Variants in BCAN observed in about 807,000 individuals in gnomAD.
BCAN encodes brevican core protein.
BCAN carries 51 observed loss-of-function variants against 92.4 expected under a neutral mutation model. The observed-to-expected ratio is 0.55, with a 90% confidence interval of 0.44 to 0.70. The LOEUF (loss-of-function observed/expected upper bound fraction) is 0.70. Among genes scored for constraint, BCAN ranks in the 30% least tolerant of loss-of-function variants. The pLI is 0.00. For missense variants in BCAN, 1,140 were observed against 1,212.1 expected, an observed-to-expected ratio of 0.94 and a Z score of 0.88; for synonymous variants, 501 against 505.2, an observed-to-expected ratio of 0.99 and a Z score of 0.11.
intron 2 of BCAN, 108 bp from the exon 3 acceptor site, chr1:156,646,693 G>A (rs1255903175): frequency 1.4e-6 from 2 of 1,467,956 alleles, no homozygotes; most frequent in Non-Finnish European, 1.8e-6. Context: ...GGGGGGCCGG[G>A]GAATCCTGGG....
intron 8 of BCAN, among the ~76,000 whole-genome samples, chr1:156,655,638 G>A (rs1557991773): frequency 6.6e-6 from 1 of 152,144 alleles, no homozygotes; most frequent in African/African-American, 2.4e-5. Context: ...AAAGTGGGCT[G>A]GATCTCCACT....
intron 1 of BCAN, chr1:156,643,294 G>A (rs1678849116): frequency 6.6e-6 from 1 of 152,146 alleles, no homozygotes; most frequent in African/African-American, 2.4e-5. Flanking sequence ...CTGCTCGGCT[G>A]GTGTCATTGC....
Position 156,652,912 on chromosome 1 carries a change from A to G in BCAN, c.1942+20A>G, listed in dbSNP as rs912521719. The G allele has an allele frequency of 1.8e-5, 29 of 1,612,676 alleles. No individual in the cohort carries two copies. The highest frequency in any genetic ancestry group is 2.4e-5 in the Non-Finnish European group (28 of 1,179,726). The stretch of plus-strand genomic sequence containing the variant: ...CATCAGGTAATTCTGCCCAAGGCTC[A>G]ACTGCCCTCTCTATCCTACTCCTTT... On this transcript the variant is annotated intron_variant, in intron 8 of 13. Transcript: ENST00000329117.
Position 156,658,703 on chromosome 1 carries a change from C to T in BCAN, c.2598C>T (p.Ala866=), listed in dbSNP as rs1679426107. ...GCCAAGAGAACGGTCGTTGGGAGGC[C>T]CCCCAGATCTCCTGTGTGCCCAGAA... ...IRCQENGRWE[A]PQISCVPRRP... The change falls in exon 13 of 14, where the codon GCC becomes GCT. Residue 866 remains alanine (A), a synonymous_variant. Transcript: ENST00000329117. This position sits in a 1 kb window ranked among gnomAD's most constrained non-coding sequence, Gnocchi z 4.4. 3 of 1,614,070 alleles carry T rather than the reference C, an allele frequency of 1.9e-6. No individual in the cohort carries two copies. The highest frequency in any genetic ancestry group is 1.7e-5 in the Admixed American group (1 of 60,024).
Position 156,647,165 on chromosome 1 carries a change from C to G in BCAN, c.456C>G (p.Val152=). ...GIDDSSDAVE[V]KVKGVVFLYR... ...ATGACAGCAGCGACGCTGTGGAGGT[C>G]AAGGTCAAAGGTGAGAGGGCAGGGA... The change falls in exon 3 of 14, where the codon GTC becomes GTG. Residue 152 remains valine (V), a synonymous_variant. Transcript: ENST00000329117. This position sits in a 1 kb window ranked among gnomAD's most constrained non-coding sequence, Gnocchi z 4.8. The G allele has an allele frequency of 7.9e-7, 1 of 1,259,336 alleles. No homozygotes were observed. The highest frequency in any genetic ancestry group is 1.7e-5 in the African/African-American group (1 of 57,228). The allele number at this position is 1,259,336 out of a possible 1,614,324, so 78.0% of individuals were successfully genotyped here. A position where few individuals can be genotyped will look rare whatever the true frequency, so the allele number is the denominator to read the frequency against.
chr1:156,657,779 C>T, intron 11 of BCAN, 22 bp downstream of exon 11: 2 of 1,598,512 alleles, frequency 1.3e-6, no homozygotes, highest in Non-Finnish European at 1.7e-6. Context: ...CAGTCGAACC[C>T]CGCCGTCTAG....
chr1:156,648,436 C>T, intron 5 of BCAN, 132 bp from the exon 6 acceptor site: 2 of 1,014,132 alleles, frequency 2.0e-6, no homozygotes, highest in Non-Finnish European at 2.9e-6. Context: ...GACTATGATC[C>T]TATGAAGTAG....
chr1:156,658,631 C>A lies in BCAN; in HGVS notation c.2526C>A (p.Tyr842Ter). 1 of 1,614,128 alleles carries A rather than the reference C, an allele frequency of 6.2e-7. No homozygotes were observed. The highest frequency in any genetic ancestry group is 8.5e-7 in the Non-Finnish European group (1 of 1,180,050). ...LRYEVDTVLR[Y>*]RCREGLAQRN... is the part of the protein sequence containing the mutation. Reference sequence around the variant, plus strand: ...ATGAGGTGGACACTGTGCTTCGCTACCGGTGCCGGGAAGGACTGGCCCAGC... The same window carrying A: ...ATGAGGTGGACACTGTGCTTCGCTAACGGTGCCGGGAAGGACTGGCCCAGC... The change falls in exon 13 of 14, where the codon TAC (tyrosine) becomes TAA (stop). Residue 842 changes from tyrosine (Y) to a stop codon, truncating the protein, a stop_gained. Coordinates refer to ENST00000329117, the MANE Select transcript of BCAN (RefSeq NM_021948.5). LOFTEE classifies it high-confidence loss of function. The surrounding 1 kb of genome is among the most constrained non-coding windows in gnomAD (Gnocchi z 4.4).
intron 8 of BCAN, among the ~76,000 whole-genome samples, chr1:156,654,825 G>C (rs189911511): frequency 6.6e-6 from 1 of 152,222 alleles, no homozygotes; most frequent in African/African-American, 2.4e-5. Flanking sequence ...CTGGGGTTGG[G>C]AGGTGGGCAG....
Position 156,652,608 on chromosome 1 carries a change from C to T in BCAN, c.1658C>T (p.Ser553Phe). The change falls in exon 8 of 14, where the codon TCC (serine) becomes TTC (phenylalanine). Residue 553 changes from serine (S) to phenylalanine (F), a missense_variant. By Grantham distance (155) the Ser-to-Phe change is radical. Around this residue, in one of 3 missense-constraint regions of BCAN, gnomAD observed 825 missense variants for 871.8 expected, o/e 0.95. Transcript: ENST00000329117. The part of the protein sequence containing the change: ...LPTPRERNLA[S>F]PSPSTLVEAR... ...ACTCCCAGGGAGAGGAACCTAGCAT[C>T]CCCATCACCTTCCACTCTGGTTGAG... 6.2e-7 allele frequency: 1 copy of T among 1,614,066 alleles called. No individual in the cohort carries two copies. The highest frequency in any genetic ancestry group is 8.5e-7 in the Non-Finnish European group (1 of 1,179,918).
At position 156,648,812 on chromosome 1, in the gene BCAN, G is replaced by A; in HGVS notation, c.1014G>A (p.Gln338=). The change falls in exon 6 of 14, where the codon CAG becomes CAA. Residue 338 remains glutamine (Q), a synonymous_variant. Transcript: ENST00000329117. The part of the protein sequence containing the change: ...GVKTLFLFPN[Q]TGFPNKHSRF... ...AGACTCTCTTCCTCTTCCCCAACCA[G>A]ACTGGCTTCCCCAATAAGCACAGCC... The A allele has an allele frequency of 1.9e-6, 3 of 1,592,396 alleles. No individual in the cohort carries two copies. Among genetic ancestry groups the A allele is most frequent in the Non-Finnish European group, 2.6e-6 (3 of 1,162,778 alleles).
rs767187921 is a variant in BCAN at position 156,652,645 on chromosome 1, G to T, written c.1695G>T (p.Val565=). The change falls in exon 8 of 14, where the codon GTG becomes GTT. Residue 565 remains valine (V), a synonymous_variant. Coordinates refer to ENST00000329117, the MANE Select transcript of BCAN (RefSeq NM_021948.5). ...CCACTCTGGTTGAGGCAAGAGAGGT[G>T]GGGGAGGCAACTGGTGGTCCTGAGC... The part of the protein sequence containing the change: ...SPSTLVEARE[V]GEATGGPELS... 2 of 1,613,850 alleles carry T rather than the reference G, an allele frequency of 1.2e-6. No homozygotes were observed. Among genetic ancestry groups the T allele is most frequent in the Admixed American group, 1.7e-5 (1 of 59,996 alleles).
intron 7 of BCAN, 59 bp from the exon 8 acceptor site, chr1:156,652,189 T>G (rs781468891): frequency 1.5e-5 from 23 of 1,525,058 alleles, no homozygotes; most frequent in Non-Finnish European, 1.9e-5. Flanking sequence ...CTTCCCTTTT[T>G]CCTTTCGGTC....
At chr1:156,651,170 G>C (rs1245033390) in intron 6 of BCAN, among the ~76,000 whole-genome samples, 1 of 152,202 alleles carries the variant, frequency 6.6e-6, no homozygotes, top group African/African-American at 2.4e-5. Flanking sequence ...ATATATGTTT[G>C]TTTGTCATCT....
rs758323095 is a variant in BCAN, at chr1:156,649,870, G to T, written c.1063+1009G>T. ...AATACTGTTACAAGAGCTGGAAGCA[G>T]AAATGGAAGGAGCAGACACAGCCTT... On this transcript the variant is annotated intron_variant, in intron 6 of 13. Transcript: ENST00000329117. 5.8e-6 allele frequency: 3 copies of T among 518,980 alleles called. No individual in the cohort carries two copies. In the East Asian group the frequency reaches 1.6e-4, roughly 28 times the overall value. The allele number at this position is 518,980 out of a possible 1,614,324, so 32.1% of individuals were successfully genotyped here.
Position 156,658,577 on chromosome 1 carries a change from T to C in BCAN, c.2472T>C (p.Ala824=), listed in dbSNP as rs1270948973. ...SCGPPPELPL[A]QVFGRPRLRY... is the part of the protein sequence containing the mutation. ...GGCCGCCACCGGAGCTGCCCCTGGC[T>C]CAAGTGTTCGGCCGCCCACGGCTGC... Residue 824 remains alanine (A), a synonymous_variant, in exon 13 of 14, where the codon GCT becomes GCC. Coordinates refer to ENST00000329117, the MANE Select transcript of BCAN (RefSeq NM_021948.5). The surrounding 1 kb of genome is among the most constrained non-coding windows in gnomAD (Gnocchi z 4.4). 1.9e-6 allele frequency: 3 copies of C among 1,614,040 alleles called. No homozygotes were observed. The South Asian group carries it at 3.3e-5, about 18-fold the overall frequency.
chr1:156,656,338 G>C lies in BCAN; in HGVS notation c.1999G>C (p.Gly667Arg), dbSNP rs1375690114. The change falls in exon 9 of 14, where the codon GGG (glycine) becomes CGG (arginine). Residue 667 changes from glycine (G) to arginine (R), a missense_variant. By Grantham distance (125) the Gly-to-Arg change is moderately radical. Coordinates refer to ENST00000329117, the MANE Select transcript of BCAN (RefSeq NM_021948.5). ...TGGGACATGCTTGGAGGAGGAGGAA[G>C]GGGTCCGCTGCCTATGTCTGCCTGG... ...NGGTCLEEEEGVRCLCLPGYG... is the reference protein window; with the variant it reads ...NGGTCLEEEERVRCLCLPGYG... 7.0e-7 allele frequency: 1 copy of C among 1,426,684 alleles called. No homozygotes were observed. The highest frequency in any genetic ancestry group is 9.1e-7 in the Non-Finnish European group (1 of 1,095,140). 88.4% of individuals were successfully genotyped at this position (1,426,684 alleles called of 1,614,324 possible).
In BCAN at chr1:156,648,871, C is replaced by T; in HGVS notation, c.1063+10C>T. On this transcript the variant is annotated intron_variant, in intron 6 of 13. Transcript: ENST00000329117. ...GTCTACTGCTTCCGAGGTGAGCCCA[C>T]CTCCCTGCAGAAGCTGAGACCAATC... is the stretch of plus-strand genomic sequence containing the variant. The T allele has an allele frequency of 6.5e-7, 1 of 1,545,902 alleles. No homozygotes were observed. Among genetic ancestry groups the T allele is most frequent in the Non-Finnish European group, 8.8e-7 (1 of 1,139,742 alleles).
chr1:156,646,433 G>C (rs1445484429), intron 2 of BCAN: 1 of 501,792 alleles, frequency 2.0e-6, no homozygotes, highest in Admixed American at 3.4e-5. Context: ...AAACCCTGAA[G>C]GAGGCCCTAA....
Sources: gnomAD v4.1 joint callset for allele counts (sites outside exome capture counted in the v4.1 genomes callset) on GRCh38, gnomAD v4.1.1 for gene constraint, gnomAD v4.1.1 regional missense constraint, Gnocchi (gnomAD v3.1) non-coding constraint, MANE v1.5 for transcripts, NCBI Gene and HGNC (gene_info 2026-07-23, HGNC 2026-07-21) for gene names.